SLC7A6OS: variants seen among roughly 807,000 people sequenced by gnomAD.
SLC7A6OS encodes probable RNA polymerase II nuclear localization protein SLC7A6OS.
A neutral mutation model predicts 34.3 loss-of-function variants in SLC7A6OS; 22 were observed. The ratio of observed to expected loss-of-function variants is 0.64; its 90% CI spans 0.46 to 0.92. The LOEUF is 0.92. Among genes scored for constraint, SLC7A6OS ranks in the 40% least tolerant of loss-of-function variants. The pLI is 0.00. For synonymous variants in SLC7A6OS, 199 were observed against 165.0 expected, an observed-to-expected ratio of 1.21 and a Z score of -1.58; for missense variants, 434 against 407.7, an observed-to-expected ratio of 1.06 and a Z score of -0.56.
At chr16:68,303,936 T>G in intron 3 of SLC7A6OS, 90 bp downstream of exon 3, 2 of 1,178,476 alleles carry the variant, frequency 1.7e-6, no homozygotes, top group Non-Finnish European at 2.5e-6. Flanking sequence ...GACAATGTTG[T>G]TCGGGAGTGG....
At chr16:68,308,769 T>A (rs1255584345) in intron 2 of SLC7A6OS, among the ~76,000 whole-genome samples, 1 of 151,438 alleles carries the variant, frequency 6.6e-6, no homozygotes. Context: ...AGAGGGCATA[T>A]TGGCTAGGCG....
intron 4 of SLC7A6OS, chr16:68,302,085 C>T: frequency 2.9e-6 from 1 of 348,778 alleles, no homozygotes; most frequent in South Asian, 4.9e-5. Flanking sequence ...AAAATTCATG[C>T]AGAACCATCT....
rs375138940 is a variant in SLC7A6OS, at chr16:68,301,348, A to C, written c.857T>G (p.Met286Arg). 6.2e-7 allele frequency: 1 copy of C among 1,614,004 alleles called. No homozygotes were observed. Among genetic ancestry groups the C allele is most frequent in the African/African-American group, 1.3e-5 (1 of 74,912 alleles). The change falls in exon 5 of 5, where the codon ATG (methionine) becomes AGG (arginine). Residue 286 changes from methionine (M) to arginine (R), a missense_variant. By Grantham distance (91) the Met-to-Arg change is moderately conservative. Transcript: ENST00000263997. Reference sequence around the variant, plus strand: ...CACATCCAGAGGGTACTTGCTCCACATCCGCTGTCTGCTGCTGCCTCTTTC... The same window carrying C: ...CACATCCAGAGGGTACTTGCTCCACCTCCGCTGTCTGCTGCTGCCTCTTTC... Reference protein sequence around the residue: ...EEERGSSRQRMWSKYPLDVQK... With the variant: ...EEERGSSRQRRWSKYPLDVQK...
rs888838872 is a variant in SLC7A6OS at position 68,298,130 on chromosome 16, G to A, written c.*3145C>T. ...CAAGCACTTGGCTCAGGTCCAGCAA[G>A]GACAGATGAACAAATTCCTGAGTCA... On this transcript the variant is annotated 3_prime_UTR_variant, in exon 5 of 5. Transcript: ENST00000263997. 6.6e-6 allele frequency: 1 copy of A among 152,668 alleles called. No individual in the cohort carries two copies. The highest frequency in any genetic ancestry group is 2.4e-5 in the African/African-American group (1 of 41,458). 9.5% of individuals were successfully genotyped at this position (152,668 alleles called of 1,614,324 possible).
rs149540260 is a variant in SLC7A6OS at position 68,304,113 on chromosome 16, C to T, written c.591G>A (p.Val197=). ...RQEEQKHDDY[V]YDIYYLETAT... ...CCGTCTCCAAGTAGTAAATGTCATACACATAGTCATCGTGTTTTTGTTCTT... is the reference window on the plus strand; with the variant it reads ...CCGTCTCCAAGTAGTAAATGTCATATACATAGTCATCGTGTTTTTGTTCTT... The change falls in exon 3 of 5, where the codon GTG becomes GTA. Residue 197 remains valine, a synonymous_variant. Coordinates refer to ENST00000263997, the MANE Select transcript of SLC7A6OS (RefSeq NM_032178.3). 6.8e-6 allele frequency: 11 copies of T among 1,614,068 alleles called. No homozygotes were observed. The highest frequency in any genetic ancestry group is 5.0e-5 in the Admixed American group (3 of 60,006).
intron 2 of SLC7A6OS, 152 bp from the exon 3 acceptor site, chr16:68,304,384 G>A (rs889377994): frequency 1.5e-6 from 1 of 661,862 alleles, no homozygotes; most frequent in Non-Finnish European, 2.6e-6. Flanking sequence ...GCAGTGGCGT[G>A]GTCTTGGCTC....
Position 68,310,370 on chromosome 16 carries a change from C to A in SLC7A6OS, c.436G>T (p.Gly146Ter). 1 of 1,609,706 alleles carries A rather than the reference C, an allele frequency of 6.2e-7. No individual in the cohort carries two copies. The highest frequency in any genetic ancestry group is 8.5e-7 in the Non-Finnish European group (1 of 1,177,028). Residue 146 changes from glycine to a stop codon, truncating the protein, a stop_gained, in exon 2 of 5, where the codon GGA becomes TGA. Coordinates refer to ENST00000263997, the MANE Select transcript of SLC7A6OS (RefSeq NM_032178.3). LOFTEE classifies it high-confidence loss of function. Reference sequence around the variant, plus strand: ...CCTGCAGAGGCGGCTTCAGGTTCTCCCTCCTCGTGGACAAGGTCTAACAAC... The same window carrying A: ...CCTGCAGAGGCGGCTTCAGGTTCTCACTCCTCGTGGACAAGGTCTAACAAC... ...FQLLDLVHEEGEPEAASAGSC... is the reference protein window; with the variant it reads ...FQLLDLVHEE
intron 2 of SLC7A6OS, among the ~76,000 whole-genome samples, chr16:68,306,534 G>C (rs2043327658): frequency 6.6e-6 from 1 of 151,974 alleles, no homozygotes; most frequent in Admixed American, 6.6e-5. Flanking sequence ...GCTTAAAGAG[G>C]CGGTTTTCAT....
chr16:68,304,137 TTCCTGGCGCCTGAC>T lies in SLC7A6OS; in HGVS notation c.553_566del (p.Val185ArgfsTer6). On this transcript the variant is annotated frameshift_variant, in exon 3 of 5. Transcript: ENST00000263997. LOFTEE classifies it high-confidence loss of function. ...ACACATAGTCATCGTGTTTTTGTTC[TTCCTGGCGCCTGAC>T]TCCTGGTCCATCCTCAGACACAGTC... 1.2e-6 allele frequency: 2 copies of T among 1,614,190 alleles called. No individual in the cohort carries two copies. Among genetic ancestry groups the T allele is most frequent in the South Asian group, 2.2e-5 (2 of 91,082 alleles).
rs148223127 is a variant in SLC7A6OS, at chr16:68,298,488, C to G, written c.*2787G>C. 1 of 152,400 alleles carries G rather than the reference C, an allele frequency of 6.6e-6. No individual in the cohort carries two copies. Among genetic ancestry groups the G allele is most frequent in the African/African-American group, 2.4e-5 (1 of 41,568 alleles). 9.4% of individuals were successfully genotyped at this position (152,400 alleles called of 1,614,324 possible). A position where few individuals can be genotyped will look rare whatever the true frequency, so the allele number is the denominator to read the frequency against. On this transcript the variant is annotated 3_prime_UTR_variant, in exon 5 of 5. Coordinates refer to ENST00000263997, the MANE Select transcript of SLC7A6OS (RefSeq NM_032178.3). ...CTGCATCCTCTTCTGTCCCTGGCAC[C>G]AGGCTTTGTTTACACTTGGAGCCAC...
In SLC7A6OS at chr16:68,310,633, G is replaced by A; in HGVS notation, c.193-20C>T. ...TTCCTCCTAGGGGGCAACAGGGGACGGAGGCCAGCGTAAGCAGGAGTTCGC... is the reference window on the plus strand; with the variant it reads ...TTCCTCCTAGGGGGCAACAGGGGACAGAGGCCAGCGTAAGCAGGAGTTCGC... On this transcript the variant is annotated intron_variant, in intron 1 of 4. Transcript: ENST00000263997. The A allele has an allele frequency of 6.3e-7, 1 of 1,586,580 alleles. No individual in the cohort carries two copies. The highest frequency in any genetic ancestry group is 8.6e-7 in the Non-Finnish European group (1 of 1,162,942).
chr16:68,310,759 G>C lies in SLC7A6OS; in HGVS notation c.168C>G (p.His56Gln). 6.2e-7 allele frequency: 1 copy of C among 1,611,904 alleles called. No homozygotes were observed. Among genetic ancestry groups the C allele is most frequent in the Non-Finnish European group, 8.5e-7 (1 of 1,178,550 alleles). ...LERAAENNVFHLVATVCSQEE... is the reference protein window; with the variant it reads ...LERAAENNVFQLVATVCSQEE... ...CCTGGGAGCACACAGTGGCCACCAAGTGGAAGACATTATTCTCCGCCGCTC... is the reference window on the plus strand; with the variant it reads ...CCTGGGAGCACACAGTGGCCACCAACTGGAAGACATTATTCTCCGCCGCTC... The change falls in exon 1 of 5, where the codon CAC becomes CAG. Residue 56 changes from histidine (H) to glutamine (Q), a missense_variant. Coordinates refer to ENST00000263997, the MANE Select transcript of SLC7A6OS (RefSeq NM_032178.3).
chr16:68,303,889 GAAT>G, intron 3 of SLC7A6OS, 134 bp downstream of exon 3: 1 of 755,458 alleles, frequency 1.3e-6, no homozygotes, highest in Non-Finnish European at 2.1e-6. Context: ...AAGGCACTTA[GAAT>G]AATTTCTTCC....
intron 2 of SLC7A6OS, among the ~76,000 whole-genome samples, chr16:68,305,557 A>G (rs779893930): frequency 5.3e-5 from 8 of 152,182 alleles, no homozygotes; most frequent in Admixed American, 2.0e-4. Context: ...ACCACGCAGG[A>G]AAATGGGGAA....
chr16:68,309,074 G>A (rs562994492), intron 2 of SLC7A6OS, among the ~76,000 whole-genome samples: 21 of 151,500 alleles, frequency 1.4e-4, no homozygotes, highest in African/African-American at 5.1e-4. Context: ...AAAAAGAGAG[G>A]GCACACTTTA....
chr16:68,302,261 G>T, intron 4 of SLC7A6OS, 120 bp downstream of exon 4: 2 of 1,217,538 alleles, frequency 1.6e-6, no homozygotes, highest in South Asian at 1.4e-5. Context: ...GCTCAGTTGC[G>T]GCTGGGCTGC....
chr16:68,310,802 G>C lies in SLC7A6OS; in HGVS notation c.125C>G (p.Thr42Arg). 1.2e-6 allele frequency: 2 copies of C among 1,613,808 alleles called. No homozygotes were observed. Among genetic ancestry groups the C allele is most frequent in the South Asian group, 2.2e-5 (2 of 91,084 alleles). The change falls in exon 1 of 5, where the codon ACG (threonine) becomes AGG (arginine). Residue 42 changes from threonine (T) to arginine (R), a missense_variant. Coordinates refer to ENST00000263997, the MANE Select transcript of SLC7A6OS (RefSeq NM_032178.3). ...CGCCGCTCTCTCCAAACCCTCCGAC[G>C]TCTTCTGTGCCGCTGACTCGACCGC... ...SDAVESAAQK[T>R]SEGLERAAEN...
chr16:68,300,051 A>C lies in SLC7A6OS; in HGVS notation c.*1224T>G, dbSNP rs1465002120. 6.7e-6 allele frequency: 1 copy of C among 148,728 alleles called. No homozygotes were observed. The highest frequency in any genetic ancestry group is 1.5e-5 in the Non-Finnish European group (1 of 68,010). 9.2% of individuals were successfully genotyped at this position (148,728 alleles called of 1,614,324 possible). ...TGTGTAACTCACCTTCCCCCATGAC[A>C]GTGAGTAAGAGACACTCACAGGCTA... On this transcript the variant is annotated 3_prime_UTR_variant, in exon 5 of 5. Coordinates refer to ENST00000263997, the MANE Select transcript of SLC7A6OS (RefSeq NM_032178.3).
intron 2 of SLC7A6OS, among the ~76,000 whole-genome samples, chr16:68,304,969 C>T (rs758753158): frequency 3.9e-5 from 6 of 152,058 alleles, no homozygotes; most frequent in African/African-American, 7.2e-5. Context: ...TGCAGTGAGC[C>T]GTGATCATGC....
Sources: gnomAD v4.1 joint callset for allele counts (sites outside exome capture counted in the v4.1 genomes callset) on GRCh38, gnomAD v4.1.1 for gene constraint, MANE v1.5 for transcripts, NCBI Gene and HGNC (gene_info 2026-07-23, HGNC 2026-07-21) for gene names.